The following ACVR1 variants were observed in gnomAD, a reference collection of about 807,000 sequenced individuals.
ACVR1 encodes the protein activin A receptor type 1.
A neutral mutation model predicts 57.1 loss-of-function variants in ACVR1; 38 were observed. That is an observed-to-expected ratio of 0.67 (90% CI 0.51 to 0.87). ACVR1 has a LOEUF of 0.87. Among genes scored for constraint, ACVR1 ranks in the 40% least tolerant of loss-of-function variants. The pLI is 0.00. For synonymous variants in ACVR1, 212 were observed against 228.1 expected (o/e 0.93, Z 0.63); for missense variants, 463 against 638.2 (o/e 0.73, Z 2.96).
At chr2:157,804,245 T>C (rs1687436091) in intron 2 of ACVR1, among the ~76,000 whole-genome samples, 1 of 152,220 alleles carries the variant, frequency 6.6e-6, no homozygotes, top group South Asian at 2.1e-4. Context: ...GTACCAGATA[T>C]TTTAGACTGA....
intron 3 of ACVR1, among the ~76,000 whole-genome samples, chr2:157,797,742 T>TGA (rs944739435): frequency 3.9e-5 from 6 of 152,212 alleles, no homozygotes; most frequent in African/African-American, 1.4e-4. Context: ...CCAAAGGCAC[T>TGA]GAAATGCCTG....
chr2:157,854,538 C>T (rs902255806), intron 1 of ACVR1, among the ~76,000 whole-genome samples: 7 of 151,752 alleles, frequency 4.6e-5, no homozygotes, highest in Non-Finnish European at 7.4e-5. Flanking sequence ...CTGGCTAACA[C>T]GGTGAAACCC....
intron 1 of ACVR1, among the ~76,000 whole-genome samples, chr2:157,859,772 T>C (rs567673199): frequency 6.6e-6 from 1 of 152,268 alleles, no homozygotes; most frequent in South Asian, 2.1e-4. Context: ...ACACTTCGAT[T>C]ATCCCCCTAA....
chr2:157,789,913 A>G (rs12694935), intron 3 of ACVR1, among the ~76,000 whole-genome samples: 118,453 of 152,154 alleles, frequency 0.78, 46,260 homozygotes, highest in East Asian at 0.93. Context: ...CCTTTCTCTC[A>G]AAGAGAAAAC....
At chr2:157,868,223 G>A (rs371403257) in intron 1 of ACVR1, among the ~76,000 whole-genome samples, 4 of 152,124 alleles carry the variant, frequency 2.6e-5, no homozygotes, top group Admixed American at 6.5e-5. Context: ...GGTGGCTAGC[G>A]CCTGTAATCC....
At chr2:157,789,257 T>C (rs933434711) in intron 3 of ACVR1, among the ~76,000 whole-genome samples, 2 of 152,220 alleles carry the variant, frequency 1.3e-5, no homozygotes, top group African/African-American at 4.8e-5. Context: ...GAAGCTGAAC[T>C]GGCTTTTCAA....
intron 1 of ACVR1, among the ~76,000 whole-genome samples, chr2:157,864,151 C>T (rs1210982636): frequency 2.7e-5 from 4 of 150,542 alleles, no homozygotes; most frequent in African/African-American, 7.3e-5. Flanking sequence ...CGTGAGCCAC[C>T]GTGCCCTGCC....
At chr2:157,739,452 A>T (rs1196768005) in intron 9 of ACVR1, among the ~76,000 whole-genome samples, 1 of 152,218 alleles carries the variant, frequency 6.6e-6, no homozygotes, top group Non-Finnish European at 1.5e-5. Flanking sequence ...CATCATTTGG[A>T]ATTAGAAAAT....
chr2:157,874,194 T>C (rs555958745), intron 1 of ACVR1, among the ~76,000 whole-genome samples: 1 of 152,346 alleles, frequency 6.6e-6, no homozygotes, highest in African/African-American at 2.4e-5. Flanking sequence ...TAAGGGGTAA[T>C]AGCAGAAATG....
intron 8 of ACVR1, 52 bp downstream of exon 8, chr2:157,765,869 C>A: frequency 1.3e-6 from 2 of 1,589,508 alleles, no homozygotes; most frequent in Non-Finnish European, 1.7e-6. Flanking sequence ...CTCACCTAAC[C>A]ATTGAAACAA....
chr2:157,741,372 A>G (rs1227594146), intron 9 of ACVR1, among the ~76,000 whole-genome samples: 1 of 152,200 alleles, frequency 6.6e-6, no homozygotes, highest in Non-Finnish European at 1.5e-5. Flanking sequence ...TCACGCCTGT[A>G]ATCCCAGCAC....
At chr2:157,757,796 T>C (rs1685492497) in intron 9 of ACVR1, among the ~76,000 whole-genome samples, 1 of 150,394 alleles carries the variant, frequency 6.6e-6, no homozygotes, top group African/African-American at 2.4e-5. Context: ...CAAAAAGACA[T>C]GAAAGCATAA....
chr2:157,742,854 G>A (rs1222356691), intron 9 of ACVR1, among the ~76,000 whole-genome samples: 4 of 152,090 alleles, frequency 2.6e-5, no homozygotes, highest in Non-Finnish European at 5.9e-5. Context: ...CTGCATGTGG[G>A]ACCCGCAGGT....
intron 5 of ACVR1, among the ~76,000 whole-genome samples, chr2:157,775,464 C>T (rs1320277609): frequency 1.3e-5 from 2 of 152,194 alleles, no homozygotes; most frequent in African/African-American, 4.8e-5. Flanking sequence ...CTTTCCCAAA[C>T]ATTTTGGCTG....
At chr2:157,768,006 C>T (rs1469289809) in intron 7 of ACVR1, among the ~76,000 whole-genome samples, 1 of 152,190 alleles carries the variant, frequency 6.6e-6, no homozygotes, top group Non-Finnish European at 1.5e-5. Context: ...AGGTCTGATT[C>T]TAGAACCCAG....
chr2:157,750,547 C>T (rs1299627185), intron 9 of ACVR1, among the ~76,000 whole-genome samples: 1 of 152,078 alleles, frequency 6.6e-6, no homozygotes, highest in Non-Finnish European at 1.5e-5. Context: ...CTAGTGAACA[C>T]ACCCAGAATC....
intron 1 of ACVR1, among the ~76,000 whole-genome samples, chr2:157,871,504 A>G (rs1339846088): frequency 6.6e-6 from 1 of 152,194 alleles, no homozygotes; most frequent in Non-Finnish European, 1.5e-5. Context: ...AACCTCCACA[A>G]AATTTAGGAA....
At chr2:157,782,729 G>A (rs972347700) in intron 3 of ACVR1, among the ~76,000 whole-genome samples, 12 of 152,148 alleles carry the variant, frequency 7.9e-5, no homozygotes, top group Non-Finnish European at 7.3e-5. Context: ...AGTTCATGGT[G>A]TCAGACTAAT....
chr2:157,835,704 T>C (rs937946073), intron 1 of ACVR1, among the ~76,000 whole-genome samples: 1 of 152,232 alleles, frequency 6.6e-6, no homozygotes, highest in African/African-American at 2.4e-5. Context: ...CACAATGCAC[T>C]GCAGTGTAGC....
Sources: allele counts gnomAD v4.1 joint callset (sites outside exome capture counted in the v4.1 genomes callset), GRCh38; gene constraint gnomAD v4.1.1; transcripts MANE v1.5; gene names NCBI Gene and HGNC (gene_info 2026-07-23, HGNC 2026-07-21).